Variants in CRHR1 observed in about 807,000 individuals in gnomAD.
CRHR1 encodes the protein corticotropin-releasing hormone receptor 1.
CRHR1 carries 28 observed loss-of-function variants against 56.0 expected under a neutral mutation model. That is an observed-to-expected ratio of 0.50 (90% confidence interval 0.37 to 0.69). CRHR1 has a LOEUF of 0.69. Ranked by LOEUF, CRHR1 falls within the 30% of genes least tolerant of loss-of-function variation. The pLI is 0.00. For synonymous variants in CRHR1, 195 were observed against 216.5 expected, an observed-to-expected ratio of 0.90 and a Z score of 0.87; for missense variants, 376 against 548.0, an observed-to-expected ratio of 0.69 and a Z score of 3.13.
chr17:45,833,279 G>A lies in CRHR1; in HGVS notation c.843+69G>A. On this transcript the variant is annotated intron_variant, in intron 9 of 12. Coordinates refer to ENST00000314537, the MANE Select transcript of CRHR1 (RefSeq NM_004382.5). Reference sequence around the variant, plus strand: ...GGGCAATCAGTGCCAACCGTGGACAGAAAGGACTCCTCTACCTAGAGGTGG... The same window carrying A: ...GGGCAATCAGTGCCAACCGTGGACAAAAAGGACTCCTCTACCTAGAGGTGG... 1.3e-6 allele frequency: 2 copies of A among 1,560,636 alleles called. 1 individual carries two copies. The highest frequency in any genetic ancestry group is 1.8e-6 in the Non-Finnish European group (2 of 1,131,720).
At chr17:45,794,699 C>T (rs991928260) in intron 1 of CRHR1, among the ~76,000 whole-genome samples, 3 of 152,272 alleles carry the variant, frequency 2.0e-5, no homozygotes, top group African/African-American at 7.2e-5. Flanking sequence ...GAGCTGAGGA[C>T]CCATGATCAG....
rs535133791 is a variant in CRHR1, at chr17:45,830,969, C to T, written c.770+29C>T. On this transcript the variant is annotated intron_variant, in intron 8 of 12. Transcript: ENST00000314537. ...AGTCATCTCCTTTCCCTTCCTGACC[C>T]CAAGGTTTAGGCTCCCAGCCCAGCT... 3 of 1,611,706 alleles carry T rather than the reference C, an allele frequency of 1.9e-6. No individual in the cohort carries two copies. In the East Asian group the frequency reaches 6.7e-5, roughly 36 times the overall value.
chr17:45,803,968 T>C (rs2061675060), intron 1 of CRHR1, among the ~76,000 whole-genome samples: 1 of 152,176 alleles, frequency 6.6e-6, no homozygotes, highest in Non-Finnish European at 1.5e-5. Context: ...AGTGCAGCTT[T>C]GTCATGAGGA....
chr17:45,786,636 CTTTTTT>C (rs34895436), intron 1 of CRHR1, among the ~76,000 whole-genome samples: 7 of 108,402 alleles, frequency 6.5e-5, no homozygotes, highest in Admixed American at 1.1e-4. Flanking sequence ...AGAAAATATC[CTTTTTT>C]TTTTTTTTTT....
chr17:45,787,763 T>G (rs919644768), intron 1 of CRHR1, among the ~76,000 whole-genome samples: 2 of 152,194 alleles, frequency 1.3e-5, no homozygotes, highest in African/African-American at 4.8e-5. Context: ...TCTGGGCCAT[T>G]TCCAAGTTGT....
chr17:45,818,968 C>T (rs980409893), intron 3 of CRHR1, among the ~76,000 whole-genome samples: 8 of 152,266 alleles, frequency 5.3e-5, no homozygotes, highest in Middle Eastern at 6.8e-3. Flanking sequence ...TGCTTTCTTT[C>T]GGATCACCTC....
chr17:45,824,970 G>T (rs1054474425), intron 4 of CRHR1, among the ~76,000 whole-genome samples: 1 of 151,922 alleles, frequency 6.6e-6, no homozygotes, highest in Non-Finnish European at 1.5e-5. Flanking sequence ...TTCCTCTGCA[G>T]CCCCTGCTGG....
At chr17:45,793,663 CTG>C in intron 1 of CRHR1, among the ~76,000 whole-genome samples, 1 of 152,312 alleles carries the variant, frequency 6.6e-6, no homozygotes, top group East Asian at 1.9e-4. Flanking sequence ...CATGGCCTGA[CTG>C]TGGAAGCTGC....
intron 1 of CRHR1, among the ~76,000 whole-genome samples, chr17:45,804,227 G>C (rs1325169548): frequency 6.6e-6 from 1 of 152,206 alleles, no homozygotes; most frequent in African/African-American, 2.4e-5. Flanking sequence ...ATCTTGCTGA[G>C]TGTCCCGTGT....
chr17:45,801,192 C>T (rs1353695495), intron 1 of CRHR1, among the ~76,000 whole-genome samples: 1 of 152,194 alleles, frequency 6.6e-6, no homozygotes, highest in Non-Finnish European at 1.5e-5. Flanking sequence ...CCTCCACAGG[C>T]TCCTGCACCA....
intron 3 of CRHR1, among the ~76,000 whole-genome samples, chr17:45,818,850 T>C (rs943338800): frequency 2.0e-5 from 3 of 152,186 alleles, no homozygotes; most frequent in African/African-American, 7.2e-5. Context: ...GGGAAGCATT[T>C]CCAAAAATAT....
At chr17:45,821,767 C>T (rs2062046999) in intron 4 of CRHR1, among the ~76,000 whole-genome samples, 1 of 152,190 alleles carries the variant, frequency 6.6e-6, no homozygotes, top group African/African-American at 2.4e-5. Flanking sequence ...AGACCAGACT[C>T]GGTCACAGGA....
chr17:45,828,989 G>A (rs925803021), intron 4 of CRHR1, among the ~76,000 whole-genome samples: 14 of 152,286 alleles, frequency 9.2e-5, no homozygotes, highest in Admixed American at 2.0e-4. Flanking sequence ...GATTCAGTTC[G>A]ACACAACACG....
chr17:45,791,437 A>T (rs964535147), intron 1 of CRHR1, among the ~76,000 whole-genome samples: 3 of 152,152 alleles, frequency 2.0e-5, no homozygotes, highest in African/African-American at 7.2e-5. Context: ...GAAGATGCGG[A>T]GACAGACAGA....
chr17:45,796,870 G>C (rs915673831), intron 1 of CRHR1, among the ~76,000 whole-genome samples: 1 of 152,222 alleles, frequency 6.6e-6, no homozygotes, highest in African/African-American at 2.4e-5. Context: ...ATGGGGAGGA[G>C]AGAGGCAGGA....
chr17:45,785,392 G>C (rs2061318261), intron 1 of CRHR1, among the ~76,000 whole-genome samples: 1 of 152,280 alleles, frequency 6.6e-6, no homozygotes, highest in African/African-American at 2.4e-5. Flanking sequence ...CGTGTCAGGC[G>C]TCACTTGCAG....
intron 1 of CRHR1, among the ~76,000 whole-genome samples, chr17:45,801,886 G>T (rs2061629573): frequency 6.6e-6 from 1 of 152,166 alleles, no homozygotes; most frequent in African/African-American, 2.4e-5. Context: ...GGTGCTAGTT[G>T]TTGGTGAGAA....
intron 3 of CRHR1, among the ~76,000 whole-genome samples, chr17:45,818,678 G>T (rs1278900846): frequency 1.3e-5 from 2 of 152,180 alleles, no homozygotes; most frequent in Non-Finnish European, 2.9e-5. Flanking sequence ...TCCAGCGCCA[G>T]ATGAGGTGGA....
intron 8 of CRHR1, among the ~76,000 whole-genome samples, 163 bp downstream of exon 8, chr17:45,831,103 C>G (rs1295010863): frequency 6.8e-6 from 1 of 147,418 alleles, no homozygotes; most frequent in Non-Finnish European, 1.5e-5. Flanking sequence ...TCAGAGGGTC[C>G]CTGCCTGTGC....
Sources: allele counts gnomAD v4.1 joint callset (sites outside exome capture counted in the v4.1 genomes callset), GRCh38; gene constraint gnomAD v4.1.1; transcripts MANE v1.5; gene names NCBI Gene and HGNC (gene_info 2026-07-23, HGNC 2026-07-21).